NCAM2: variants seen among roughly 807,000 people sequenced by gnomAD.
NCAM2 encodes the protein neural cell adhesion molecule 2.
NCAM2 carries 30 observed loss-of-function variants against 98.1 expected under a neutral mutation model. The observed-to-expected ratio is 0.31, with a 90% CI of 0.23 to 0.41. The LOEUF is 0.41. Among genes scored for constraint, NCAM2 ranks in the 10% least tolerant of loss-of-function variants. The pLI, the probability that NCAM2 is intolerant of heterozygous loss-of-function variation, is 1.00. For synonymous variants in NCAM2, 368 were observed against 342.4 expected, an observed-to-expected ratio of 1.07 and a Z score of -0.83; for missense variants, 867 against 1,005.8, an observed-to-expected ratio of 0.86 and a Z score of 1.87.
chr21:21,365,234 A>AGTGTGT (rs2075755653), intron 8 of NCAM2, among the ~76,000 whole-genome samples: 1 of 43,352 alleles, frequency 2.3e-5, no homozygotes, highest in African/African-American at 7.8e-5. Flanking sequence ...ATTATTGCTT[A>AGTGTGT]GTGCGTGTGT....
chr21:21,117,867 A>G (rs1475838375), intron 1 of NCAM2, among the ~76,000 whole-genome samples: 1 of 152,202 alleles, frequency 6.6e-6, no homozygotes. Context: ...AAACAAGGAT[A>G]TGGCTTAGTA....
intron 1 of NCAM2, among the ~76,000 whole-genome samples, chr21:21,014,433 A>AG (rs2064268922): frequency 6.6e-6 from 1 of 152,072 alleles, no homozygotes; most frequent in Non-Finnish European, 1.5e-5. Flanking sequence ...CAAAAAAAAA[A>AG]AAAAAAAATT....
chr21:21,375,700 T>G (rs1434053628), intron 9 of NCAM2, among the ~76,000 whole-genome samples: 2 of 151,738 alleles, frequency 1.3e-5, no homozygotes, highest in Admixed American at 1.3e-4. Flanking sequence ...AAACCAAAAT[T>G]TACTTTATGA....
chr21:21,320,039 T>C (rs2826792), intron 5 of NCAM2, among the ~76,000 whole-genome samples: 48,307 of 152,052 alleles, frequency 0.32, 8,449 homozygotes, highest in African/African-American at 0.46. Flanking sequence ...GATGGTACTA[T>C]ATAAAGCCTT....
chr21:21,365,238 CGTGTGTGT>C (rs66559489), intron 8 of NCAM2, among the ~76,000 whole-genome samples: 67,221 of 146,810 alleles, frequency 0.46, 15,235 homozygotes, highest in Admixed American at 0.51. Context: ...TTGCTTAGTG[CGTGTGTGT>C]GTGTGTGTGT....
chr21:21,222,535 A>C (rs182157618), intron 1 of NCAM2, among the ~76,000 whole-genome samples: 1 of 152,272 alleles, frequency 6.6e-6, no homozygotes, highest in East Asian at 1.9e-4. Context: ...AGAGGTTCCA[A>C]ATTATCAGTC....
intron 5 of NCAM2, among the ~76,000 whole-genome samples, chr21:21,319,505 A>T (rs2074316165): frequency 6.6e-6 from 1 of 152,064 alleles, no homozygotes; most frequent in South Asian, 2.1e-4. Context: ...GCTGGGCATG[A>T]TGGCGCGTGC....
intron 14 of NCAM2, 113 bp from the exon 15 acceptor site, chr21:21,477,178 A>G (rs1425000360): frequency 1.4e-6 from 1 of 734,862 alleles, no homozygotes; most frequent in Non-Finnish European, 2.0e-6. Flanking sequence ...GCCTATGAAA[A>G]TTGTTCCAAT....
At chr21:21,056,755 T>A (rs1320918559) in intron 1 of NCAM2, among the ~76,000 whole-genome samples, 1 of 151,990 alleles carries the variant, frequency 6.6e-6, no homozygotes, top group Non-Finnish European at 1.5e-5. Context: ...TTAGTATAGT[T>A]TGGTTTAAAC....
intron 1 of NCAM2, among the ~76,000 whole-genome samples, chr21:21,262,912 G>T (rs2071975009): frequency 6.6e-6 from 1 of 152,018 alleles, no homozygotes; most frequent in African/African-American, 2.4e-5. Context: ...AAAATCATCA[G>T]CTCTCATGAA....
intron 1 of NCAM2, among the ~76,000 whole-genome samples, chr21:21,009,557 A>G (rs1297385351): frequency 6.6e-6 from 1 of 151,978 alleles, no homozygotes; most frequent in Non-Finnish European, 1.5e-5. Context: ...CAATATATAT[A>G]TTGAAATATA....
intron 9 of NCAM2, among the ~76,000 whole-genome samples, chr21:21,393,171 C>G (rs1172350006): frequency 6.6e-6 from 1 of 152,102 alleles, no homozygotes; most frequent in Non-Finnish European, 1.5e-5. Context: ...TATGGCTAGC[C>G]AGTTATCCCA....
intron 16 of NCAM2, among the ~76,000 whole-genome samples, chr21:21,530,338 C>CATTAAATTATAT (rs1989619254): frequency 4.1e-5 from 3 of 73,334 alleles, no homozygotes; most frequent in Non-Finnish European, 4.9e-5. Context: ...TTAAATTATA[C>CATTAAATTATAT]ATAATTAAAT....
At chr21:21,178,694 A>T (rs893141676) in intron 1 of NCAM2, among the ~76,000 whole-genome samples, 68 of 152,036 alleles carry the variant, frequency 4.5e-4, no homozygotes, top group Admixed American at 4.4e-3. Flanking sequence ...CCTATATTAA[A>T]TTATATAAGC....
At chr21:21,422,234 T>C (rs1224361287) in intron 11 of NCAM2, among the ~76,000 whole-genome samples, 1 of 152,190 alleles carries the variant, frequency 6.6e-6, no homozygotes, top group Non-Finnish European at 1.5e-5. Context: ...TACTGCATGT[T>C]CTCACTTGTA....
In NCAM2 at chr21:21,328,515, G is replaced by T. The variant is rs1219838669; in HGVS notation, c.737+4015G>T. ...TTGTAGTGGGATGAGATGTGGAGGT[G>T]GAAGACATTGATATTGATGATCCTG... is the stretch of plus-strand genomic sequence containing the variant. On this transcript the variant is annotated intron_variant, in intron 6 of 17. Transcript: ENST00000400546. 2.6e-5 allele frequency among the ~76,000 whole-genome samples: 4 copies of T among 151,736 alleles called. No homozygotes were observed. The East Asian group carries it at 7.8e-4, about 29-fold the overall frequency.
chr21:21,021,633 A>G (rs1478638874), intron 1 of NCAM2, among the ~76,000 whole-genome samples: 1 of 152,168 alleles, frequency 6.6e-6, no homozygotes, highest in Non-Finnish European at 1.5e-5. Flanking sequence ...AGCTTTTTTA[A>G]TCTTTCACAA....
chr21:21,109,809 A>G (rs1446756730), intron 1 of NCAM2, among the ~76,000 whole-genome samples: 1 of 152,214 alleles, frequency 6.6e-6, no homozygotes, highest in Admixed American at 6.5e-5. Context: ...TTAACACAAG[A>G]TTTGGCATGG....
intron 1 of NCAM2, among the ~76,000 whole-genome samples, chr21:21,130,034 G>C (rs1224986634): frequency 6.6e-6 from 1 of 152,060 alleles, no homozygotes; most frequent in African/African-American, 2.4e-5. Context: ...TATTGTGCTA[G>C]ATATGGACCT....
Sources: gnomAD v4.1 joint callset for allele counts (sites outside exome capture counted in the v4.1 genomes callset) on GRCh38, gnomAD v4.1.1 for gene constraint, MANE v1.5 for transcripts, NCBI Gene and HGNC (gene_info 2026-07-23, HGNC 2026-07-21) for gene names.